PAK2: variants seen among roughly 807,000 people sequenced by gnomAD.
The protein encoded by PAK2 is p21 (RAC1) activated kinase 2.
PAK2 carries 21 observed loss-of-function variants against 65.9 expected under a neutral mutation model. The observed-to-expected ratio is 0.32, with a 90% confidence interval of 0.23 to 0.46. PAK2 has a LOEUF of 0.46. Ranked by LOEUF, PAK2 falls within the 20% of genes least tolerant of loss-of-function variation. The pLI is 1.00. For missense variants in PAK2, 324 were observed against 642.6 expected, an observed-to-expected ratio of 0.50 and a Z score of 5.36; for synonymous variants, 204 against 219.7, an observed-to-expected ratio of 0.93 and a Z score of 0.63.
At position 196,832,171 on chromosome 3, in the gene PAK2, A is replaced by G. The variant is rs1327819965; in HGVS notation, c.*3766A>G. ...ACAGAGGCAGAAAGAAATGGATGAT[A>G]GTTCTGTCAAGCACACTTCTGTTCT... On this transcript the variant is annotated 3_prime_UTR_variant, in exon 15 of 15. Transcript: ENST00000327134. 1 of 152,200 alleles carries G rather than the reference A, an allele frequency of 6.6e-6. No individual in the cohort carries two copies. The highest frequency in any genetic ancestry group is 1.5e-5 in the Non-Finnish European group (1 of 68,032). The allele number at this position is 152,200 out of a possible 1,614,324, so 9.4% of individuals were successfully genotyped here.
At chr3:196,778,177 T>C (rs903959821) in intron 1 of PAK2, among the ~76,000 whole-genome samples, 3 of 152,202 alleles carry the variant, frequency 2.0e-5, no homozygotes, top group Admixed American at 2.0e-4. Flanking sequence ...CTTTTATGGC[T>C]TTTTTCACTT....
intron 1 of PAK2, among the ~76,000 whole-genome samples, chr3:196,754,300 G>T (rs1713700768): frequency 1.3e-5 from 2 of 152,102 alleles, no homozygotes; most frequent in African/African-American, 2.4e-5. Flanking sequence ...ATCAGTGCTG[G>T]ATTTCTTACT....
At chr3:196,742,087 CAATT>C (rs1341269144) in intron 1 of PAK2, among the ~76,000 whole-genome samples, 13 of 146,906 alleles carry the variant, frequency 8.8e-5, no homozygotes, top group African/African-American at 3.0e-4. Context: ...ATGCGGTTAA[CAATT>C]AATATTTCTT....
chr3:196,808,305 G>T (rs529449297), intron 7 of PAK2, among the ~76,000 whole-genome samples: 2 of 151,868 alleles, frequency 1.3e-5, no homozygotes, highest in African/African-American at 4.8e-5. Context: ...GCTCACGCCT[G>T]TAATCCCAGC....
intron 2 of PAK2, among the ~76,000 whole-genome samples, chr3:196,785,366 G>A (rs1369239549): frequency 1.3e-5 from 2 of 152,080 alleles, no homozygotes; most frequent in African/African-American, 2.4e-5. Context: ...AGAATTGCTG[G>A]GTTACAGGCT....
intron 2 of PAK2, among the ~76,000 whole-genome samples, chr3:196,785,880 G>T (rs1345716579): frequency 6.6e-6 from 1 of 152,108 alleles, no homozygotes; most frequent in African/African-American, 2.4e-5. Context: ...CCATGATTCA[G>T]TTACCTCCTA....
intron 8 of PAK2, 45 bp downstream of exon 8, chr3:196,810,698 T>A (rs758840145): frequency 3.1e-6 from 3 of 958,944 alleles, no homozygotes; most frequent in Non-Finnish European, 5.1e-6. Context: ...GTATTCAGTA[T>A]TTCCTGGCTT....
chr3:196,793,018 G>C (rs1376143216), intron 2 of PAK2, among the ~76,000 whole-genome samples: 2 of 152,080 alleles, frequency 1.3e-5, no homozygotes, highest in Non-Finnish European at 2.9e-5. Flanking sequence ...GGAAGCTCAA[G>C]ATTTAGAGGC....
intron 7 of PAK2, among the ~76,000 whole-genome samples, chr3:196,809,654 A>T (rs535342382): frequency 0.017 from 2,239 of 133,276 alleles, 61 homozygotes; most frequent in African/African-American, 0.066. Context: ...GCTGCTACTT[A>T]AAAAAAAAAA....
chr3:196,779,818 G>A (rs1260170792), intron 1 of PAK2, among the ~76,000 whole-genome samples: 1 of 152,126 alleles, frequency 6.6e-6, no homozygotes, highest in African/African-American at 2.4e-5. Flanking sequence ...CTACAGGCGT[G>A]CGCCACCACA....
chr3:196,792,953 C>T (rs945349785), intron 2 of PAK2, among the ~76,000 whole-genome samples: 20 of 152,064 alleles, frequency 1.3e-4, no homozygotes, highest in Admixed American at 4.6e-4. Context: ...ATAACCTAAG[C>T]GTTTGCAGAG....
Position 196,828,458 on chromosome 3 carries a change from T to C in PAK2, c.*53T>C. On this transcript the variant is annotated 3_prime_UTR_variant, in exon 15 of 15. Coordinates refer to ENST00000327134, the MANE Select transcript of PAK2 (RefSeq NM_002577.4). ...TTTCCATTTTCTACAAGAAGCCTTT[T>C]AGTATATGAAAATTATTACTCTTTT... 9.5e-7 allele frequency: 1 copy of C among 1,052,360 alleles called. No homozygotes were observed. Among genetic ancestry groups the C allele is most frequent in the Non-Finnish European group, 1.5e-6 (1 of 680,166 alleles). The allele number at this position is 1,052,360 out of a possible 1,614,324, so 65.2% of individuals were successfully genotyped here.
At chr3:196,752,488 C>T (rs1713636495) in intron 1 of PAK2, among the ~76,000 whole-genome samples, 1 of 152,166 alleles carries the variant, frequency 6.6e-6, no homozygotes, top group Non-Finnish European at 1.5e-5. Context: ...TCACTTTATC[C>T]TCCTTTCACC....
chr3:196,751,578 C>T (rs964379977), intron 1 of PAK2, among the ~76,000 whole-genome samples: 4 of 148,240 alleles, frequency 2.7e-5, no homozygotes, highest in African/African-American at 1.0e-4. Context: ...GCCCAGAGGG[C>T]GGAGGTTGCA....
Position 196,792,072 on chromosome 3 carries a change from T to C in PAK2, c.187+9239T>C, listed in dbSNP as rs78491236. ...TTGCTGGAGGGTGTGTGGGAAGCTG[T>C]GCTGACCTGGCTTGAGTTAGGTGCC... On this transcript the variant is annotated intron_variant, in intron 2 of 14. Transcript: ENST00000327134. 3.8e-4 allele frequency among the ~76,000 whole-genome samples: 58 copies of C among 152,286 alleles called. No homozygotes were observed. In the East Asian group the frequency reaches 0.01, roughly 27 times the overall value.
intron 13 of PAK2, among the ~76,000 whole-genome samples, chr3:196,821,760 A>C (rs1711662186): frequency 6.8e-6 from 1 of 146,534 alleles, no homozygotes; most frequent in Non-Finnish European, 1.6e-5. Context: ...AAAATGGTAC[A>C]TCTGCTTTGG....
chr3:196,761,961 G>A (rs1159594933), intron 1 of PAK2, among the ~76,000 whole-genome samples: 1 of 127,114 alleles, frequency 7.9e-6, no homozygotes, highest in Non-Finnish European at 1.7e-5. Flanking sequence ...CCGGGCGGAG[G>A]GGCTCCTCAC....
chr3:196,815,885 G>A (rs1418752704), intron 11 of PAK2, among the ~76,000 whole-genome samples: 1 of 152,070 alleles, frequency 6.6e-6, no homozygotes, highest in African/African-American at 2.4e-5. Flanking sequence ...CAATAAGTCT[G>A]TGCCTGGCTT....
At chr3:196,790,625 C>A (rs1239591278) in intron 2 of PAK2, among the ~76,000 whole-genome samples, 1 of 152,116 alleles carries the variant, frequency 6.6e-6, no homozygotes, top group Non-Finnish European at 1.5e-5. Flanking sequence ...TCCCGCAGAC[C>A]CTGACCCAAT....
Sources: allele counts gnomAD v4.1 joint callset (sites outside exome capture counted in the v4.1 genomes callset), GRCh38; gene constraint gnomAD v4.1.1; transcripts MANE v1.5; gene names NCBI Gene and HGNC (gene_info 2026-07-23, HGNC 2026-07-21).